Variants in TRPS1 observed in about 807,000 individuals in gnomAD.
TRPS1 encodes zinc finger transcription factor Trps1.
Under a neutral mutation model 101.2 loss-of-function variants are expected in TRPS1, and 6 were observed. The observed-to-expected ratio is 0.06, with a 90% CI of 0.03 to 0.12. TRPS1 has a LOEUF of 0.12. TRPS1 is among the 10% of genes least tolerant of loss of function. The pLI is 1.00. For missense variants in TRPS1, 1,363 were observed against 1,567.0 expected, an observed-to-expected ratio of 0.87 and a Z score of 2.20; for synonymous variants, 578 against 589.8, an observed-to-expected ratio of 0.98 and a Z score of 0.29.
chr8:115,562,588 T>G (rs1258151512), intron 5 of TRPS1, among the ~76,000 whole-genome samples: 1 of 151,452 alleles, frequency 6.6e-6, no homozygotes, highest in Non-Finnish European at 1.5e-5. Context: ...TTTAGTAACA[T>G]GATTTGTTTT....
intron 1 of TRPS1, among the ~76,000 whole-genome samples, chr8:115,634,473 C>T (rs1197997525): frequency 6.6e-6 from 1 of 152,146 alleles, no homozygotes; most frequent in Admixed American, 6.6e-5. Flanking sequence ...TAAAGTTAAT[C>T]ACATCCATTA....
intron 5 of TRPS1, among the ~76,000 whole-genome samples, chr8:115,438,492 T>C (rs547005686): frequency 4.2e-4 from 64 of 152,312 alleles, no homozygotes; most frequent in Admixed American, 9.8e-4. Context: ...GTCATGAATA[T>C]GAAGCACATA....
rs549079738 is a variant in TRPS1, at chr8:115,526,079, T to C, written c.2700+60922A>G. Among the ~76,000 whole-genome samples, 4 of 152,172 alleles carry C rather than the reference T, an allele frequency of 2.6e-5. No individual in the cohort carries two copies. The East Asian group carries it at 7.7e-4, about 29-fold the overall frequency. The stretch of plus-strand genomic sequence containing the variant: ...TAAATTAGGCTAACATGAAAACATG[T>C]AAAATGATTAAGAACGTTCTGGGTC... On this transcript the variant is annotated intron_variant, in intron 5 of 6. Coordinates refer to ENST00000395715, the MANE Select transcript of TRPS1 (RefSeq NM_014112.5).
chr8:115,504,206 T>C (rs1198851608), intron 5 of TRPS1, among the ~76,000 whole-genome samples: 2 of 152,172 alleles, frequency 1.3e-5, no homozygotes, highest in African/African-American at 4.8e-5. Context: ...TTTAAAAATA[T>C]ATTTAGTGTG....
intron 5 of TRPS1, among the ~76,000 whole-genome samples, chr8:115,493,480 G>A (rs1815077515): frequency 1.3e-5 from 2 of 152,072 alleles, no homozygotes; most frequent in South Asian, 2.1e-4. Context: ...CTCCCAAGTG[G>A]CTAGGATTAC....
intron 5 of TRPS1, among the ~76,000 whole-genome samples, chr8:115,541,396 CTA>C (rs1361296576): frequency 6.6e-6 from 1 of 152,142 alleles, no homozygotes; most frequent in East Asian, 1.9e-4. Context: ...GAACAGGAAA[CTA>C]TAGCTATTCT....
intron 5 of TRPS1, among the ~76,000 whole-genome samples, chr8:115,460,985 A>C (rs141964817): frequency 6.6e-6 from 1 of 152,164 alleles, no homozygotes; most frequent in African/African-American, 2.4e-5. Context: ...AAGGCCCCAC[A>C]ATAGCATAGT....
At chr8:115,503,680 A>G (rs572675899) in intron 5 of TRPS1, among the ~76,000 whole-genome samples, 2 of 152,326 alleles carry the variant, frequency 1.3e-5, no homozygotes, top group Admixed American at 6.5e-5. Context: ...TAAGAGTTTA[A>G]AAATAACTTT....
intron 5 of TRPS1, among the ~76,000 whole-genome samples, chr8:115,503,877 AT>A (rs1268092340): frequency 1.3e-5 from 2 of 152,236 alleles, no homozygotes; most frequent in East Asian, 3.8e-4. Flanking sequence ...AAACCATGTT[AT>A]CCCCTTATTT....
intron 5 of TRPS1, among the ~76,000 whole-genome samples, chr8:115,426,609 A>T (rs1447856695): frequency 2.0e-5 from 3 of 152,218 alleles, no homozygotes; most frequent in Admixed American, 6.5e-5. Flanking sequence ...GCTATATACA[A>T]TTCAGTGGTT....
At chr8:115,471,687 C>T (rs1351343794) in intron 5 of TRPS1, among the ~76,000 whole-genome samples, 4 of 152,168 alleles carry the variant, frequency 2.6e-5, no homozygotes, top group Non-Finnish European at 5.9e-5. Flanking sequence ...GCCTACAAGC[C>T]TGTAAAATCA....
intron 5 of TRPS1, chr8:115,509,721 C>A (rs2130180506): frequency 6.6e-6 from 1 of 152,088 alleles, no homozygotes; most frequent in Admixed American, 6.6e-5. Flanking sequence ...GTAGGCTGAG[C>A]TCGACGTGAG....
At chr8:115,533,445 T>TTTTTTTTTTTTTG (rs1816195168) in intron 5 of TRPS1, among the ~76,000 whole-genome samples, 1 of 127,706 alleles carries the variant, frequency 7.8e-6, no homozygotes, top group Non-Finnish European at 1.6e-5. Flanking sequence ...TGTTTTTTTT[T>TTTTTTTTTTTTTG]TTTTTTTTTT....
chr8:115,504,240 C>G (rs1815386793), intron 5 of TRPS1, among the ~76,000 whole-genome samples: 1 of 152,080 alleles, frequency 6.6e-6, no homozygotes, highest in South Asian at 2.1e-4. Context: ...TTGTAGATGT[C>G]CAAGGCCAAG....
rs1477673670 is a variant in TRPS1 at position 115,420,829 on chromosome 8, A to G, written c.2701-2377T>C. 2.6e-5 allele frequency among the ~76,000 whole-genome samples: 4 copies of G among 152,206 alleles called. No individual in the cohort carries two copies. The East Asian group carries it at 7.7e-4, about 29-fold the overall frequency. On this transcript the variant is annotated intron_variant, in intron 5 of 6. Coordinates refer to ENST00000395715, the MANE Select transcript of TRPS1 (RefSeq NM_014112.5). ...AGGAGTACTTTGAATACACTTATTC[A>G]GAGTCAGTAGAGCTTGGAGGTTAAT...
intron 5 of TRPS1, chr8:115,515,296 C>T: frequency 2.9e-6 from 2 of 696,692 alleles, no homozygotes; most frequent in Non-Finnish European, 5.3e-6. Context: ...AATGCAGTAA[C>T]ACGAAGAAGT....
chr8:115,604,055 G>A lies in TRPS1; in HGVS notation c.1914C>T (p.Asp638=), dbSNP rs773161265. 1.5e-5 allele frequency: 24 copies of A among 1,613,894 alleles called. 2 individuals carry two copies. In the Admixed American group the frequency reaches 2.2e-4, roughly 15 times the overall value. The part of the protein sequence containing the change: ...QCHQCSFTTP[D]VDVLLFHYES... ...CATAGTGAAAGAGGAGTACATCTAC[G>A]TCAGGGGTGGTGAATGAACACTGAT... The change falls in exon 4 of 7, where the codon GAC becomes GAT. Residue 638 remains aspartate (D), a synonymous_variant. Coordinates refer to ENST00000395715, the MANE Select transcript of TRPS1 (RefSeq NM_014112.5). This position sits in a 1 kb window ranked among gnomAD's most constrained non-coding sequence, Gnocchi z 4.1.
chr8:115,455,520 G>GA (rs1813994020), intron 5 of TRPS1, among the ~76,000 whole-genome samples: 1 of 152,160 alleles, frequency 6.6e-6, no homozygotes, highest in Admixed American at 6.5e-5. Context: ...CTCATGCACT[G>GA]AGTCCACTGG....
chr8:115,544,501 A>G (rs918680189), intron 5 of TRPS1, among the ~76,000 whole-genome samples: 6 of 152,012 alleles, frequency 3.9e-5, no homozygotes, highest in Non-Finnish European at 4.4e-5. Flanking sequence ...CAGTGTGCTA[A>G]GCAATTCTTC....
Sources: allele counts gnomAD v4.1 joint callset (sites outside exome capture counted in the v4.1 genomes callset), GRCh38; gene constraint gnomAD v4.1.1; non-coding constraint Gnocchi (gnomAD v3.1); transcripts MANE v1.5; gene names NCBI Gene and HGNC (gene_info 2026-07-23, HGNC 2026-07-21).